TCF4: variants seen among roughly 807,000 people sequenced by gnomAD.
The protein encoded by TCF4 is transcription factor 4, also known as SL3-3 enhancer factor 2.
TCF4 carries 3 observed loss-of-function variants against 82.1 expected under a neutral mutation model. The ratio of observed to expected loss-of-function variants is 0.04; its 90% CI spans 0.02 to 0.09. The LOEUF (loss-of-function observed/expected upper bound fraction) is 0.09, where lower values mean the gene tolerates loss of function less well. TCF4 is among the 10% of genes least tolerant of loss of function. The pLI, the probability that TCF4 is intolerant of heterozygous loss-of-function variation, is 1.00. For missense variants in TCF4, 518 were observed against 852.7 expected (o/e 0.61, Z 4.89); for synonymous variants, 276 against 309.6 (o/e 0.89, Z 1.14).
At chr18:55,386,810 C>T (rs181516275) in intron 6 of TCF4, among the ~76,000 whole-genome samples, 5 of 152,326 alleles carry the variant, frequency 3.3e-5, no homozygotes, top group African/African-American at 4.8e-5. Flanking sequence ...ACCAGGAGGG[C>T]TCAACCCTCT....
At chr18:55,387,434 T>C (rs1603432753) in intron 6 of TCF4, among the ~76,000 whole-genome samples, 1 of 152,212 alleles carries the variant, frequency 6.6e-6, no homozygotes, top group East Asian at 1.9e-4. Context: ...AGCTTTTACA[T>C]ATTTAGGGAG....
At chr18:55,508,805 C>T (rs2096792956) in intron 3 of TCF4, among the ~76,000 whole-genome samples, 1 of 152,138 alleles carries the variant, frequency 6.6e-6, no homozygotes, top group Non-Finnish European at 1.5e-5. Context: ...CTGCAAATAA[C>T]AAAACCGCAA....
Position 55,375,497 on chromosome 18 carries a change from G to A in TCF4, c.370-24494C>T, listed in dbSNP as rs576508457. Among the ~76,000 whole-genome samples the A allele has an allele frequency of 1.4e-3, 218 of 152,206 alleles. 1 individual carries two copies. The highest frequency in any genetic ancestry group is 2.5e-3 in the Non-Finnish European group (169 of 68,000). On this transcript the variant is annotated intron_variant, in intron 6 of 19. Coordinates refer to ENST00000354452, the MANE Select transcript of TCF4 (RefSeq NM_001083962.2). Reference sequence around the variant, plus strand: ...AGTCAACAAAATGCGAAGCTGACCTGTATTCCACTATTCTCTTAACACTCT... The same window carrying A: ...AGTCAACAAAATGCGAAGCTGACCTATATTCCACTATTCTCTTAACACTCT...
chr18:55,468,602 T>C (rs1389519701), intron 3 of TCF4, among the ~76,000 whole-genome samples: 1 of 152,244 alleles, frequency 6.6e-6, no homozygotes. Context: ...ACTTATATCA[T>C]ACCCAACTGT....
intron 5 of TCF4, among the ~76,000 whole-genome samples, chr18:55,446,710 C>T (rs574571935): frequency 2.7e-4 from 41 of 152,242 alleles, no homozygotes; most frequent in African/African-American, 8.2e-4. Context: ...CCAGGCCAGG[C>T]GCGGTGACTC....
At chr18:55,449,907 C>T (rs1458425463) in intron 5 of TCF4, among the ~76,000 whole-genome samples, 2 of 134,872 alleles carry the variant, frequency 1.5e-5, no homozygotes, top group African/African-American at 6.3e-5. Context: ...GAATTCACTA[C>T]ATGATGCTCA....
At chr18:55,542,408 T>C (rs536193315) in intron 3 of TCF4, among the ~76,000 whole-genome samples, 2 of 152,132 alleles carry the variant, frequency 1.3e-5, no homozygotes, top group South Asian at 2.1e-4. Flanking sequence ...CTAACTCTTC[T>C]ATTACTTTGC....
At chr18:55,262,336 G>C (rs571481441) in intron 11 of TCF4, among the ~76,000 whole-genome samples, 2 of 152,276 alleles carry the variant, frequency 1.3e-5, no homozygotes, top group East Asian at 3.9e-4. Context: ...AAGGTATCTT[G>C]CCTTTAGAAC....
intron 3 of TCF4, among the ~76,000 whole-genome samples, chr18:55,503,367 A>G (rs1185988980): frequency 6.6e-6 from 1 of 152,186 alleles, no homozygotes; most frequent in Non-Finnish European, 1.5e-5. Flanking sequence ...TTTCATCATC[A>G]TCATCATCAT....
At chr18:55,573,163 A>G (rs1036894261) in intron 3 of TCF4, among the ~76,000 whole-genome samples, 1 of 152,118 alleles carries the variant, frequency 6.6e-6, no homozygotes, top group Non-Finnish European at 1.5e-5. Context: ...AAAATAAAAG[A>G]GCACTTCTCT....
intron 8 of TCF4, among the ~76,000 whole-genome samples, chr18:55,336,486 G>T (rs2078670595): frequency 6.6e-6 from 1 of 151,962 alleles, no homozygotes; most frequent in South Asian, 2.1e-4. Context: ...GGCAAATGAG[G>T]TTTGTCCATA....
At chr18:55,330,496 A>C (rs112934064) in intron 8 of TCF4, among the ~76,000 whole-genome samples, 1,563 of 151,930 alleles carry the variant, frequency 0.01, 24 homozygotes, top group African/African-American at 0.036. Context: ...ATCTTTAACT[A>C]ATCAACTGCT....
intron 13 of TCF4, among the ~76,000 whole-genome samples, chr18:55,257,715 T>C (rs7242437): frequency 0.1 from 15,336 of 152,222 alleles, 918 homozygotes; most frequent in African/African-American, 0.13. Context: ...CTTTTAAGGG[T>C]ACAAAAATGG....
At chr18:55,369,753 C>T (rs976437747) in intron 6 of TCF4, among the ~76,000 whole-genome samples, 1 of 152,162 alleles carries the variant, frequency 6.6e-6, no homozygotes, top group African/African-American at 2.4e-5. Flanking sequence ...TTTAAGCTGA[C>T]ATAAATAAAA....
chr18:55,468,062 C>T (rs2096069984), intron 3 of TCF4, among the ~76,000 whole-genome samples: 1 of 152,150 alleles, frequency 6.6e-6, no homozygotes, highest in Non-Finnish European at 1.5e-5. Context: ...GCTGAACGTT[C>T]CCTCCTGTCA....
At chr18:55,301,297 T>C (rs1335638812) in intron 8 of TCF4, among the ~76,000 whole-genome samples, 1 of 152,204 alleles carries the variant, frequency 6.6e-6, no homozygotes, top group Non-Finnish European at 1.5e-5. Flanking sequence ...ATCCGTCTCT[T>C]ATTTCCACCA....
chr18:55,530,028 C>G (rs988445617), intron 3 of TCF4, among the ~76,000 whole-genome samples: 1 of 152,332 alleles, frequency 6.6e-6, no homozygotes, highest in African/African-American at 2.4e-5. Context: ...TCAAACCTGA[C>G]TACTCCAAAA....
At chr18:55,365,181 A>G (rs1603369627) in intron 6 of TCF4, among the ~76,000 whole-genome samples, 4 of 126,970 alleles carry the variant, frequency 3.2e-5, no homozygotes, top group South Asian at 2.4e-4. Context: ...ATATATATAT[A>G]TATATATATA....
intron 6 of TCF4, among the ~76,000 whole-genome samples, chr18:55,391,780 A>T (rs1414075531): frequency 6.6e-6 from 1 of 150,520 alleles, no homozygotes; most frequent in Non-Finnish European, 1.5e-5. Flanking sequence ...AAAAATATTA[A>T]AAAAAAACTT....
Sources: gnomAD v4.1 joint callset for allele counts (sites outside exome capture counted in the v4.1 genomes callset) on GRCh38, gnomAD v4.1.1 for gene constraint, MANE v1.5 for transcripts, NCBI Gene and HGNC (gene_info 2026-07-23, HGNC 2026-07-21) for gene names.